Variants in GRID1 observed in about 807,000 individuals in gnomAD.
GRID1 encodes glutamate ionotropic receptor delta type subunit 1, also known as glutamate receptor ionotropic, delta-1.
Under a neutral mutation model 98.0 loss-of-function variants are expected in GRID1, and 28 were observed. The observed-to-expected ratio is 0.29, with a 90% confidence interval of 0.21 to 0.39. The LOEUF (loss-of-function observed/expected upper bound fraction) is 0.39. Ranked by LOEUF, GRID1 falls within the 10% of genes least tolerant of loss-of-function variation. The pLI, the probability that GRID1 is intolerant of heterozygous loss-of-function variation, is 1.00. For synonymous variants in GRID1, 553 were observed against 538.5 expected (o/e 1.03, Z -0.37); for missense variants, 1,111 against 1,340.5 (o/e 0.83, Z 2.67).
chr10:86,365,532 C>T lies in GRID1; in HGVS notation c.79+782G>A, dbSNP rs1046532007. 2.0e-5 allele frequency among the ~76,000 whole-genome samples: 3 copies of T among 151,904 alleles called. No individual in the cohort carries two copies. Among genetic ancestry groups the T allele is most frequent in the Admixed American group, 1.3e-4 (2 of 15,252 alleles). On this transcript the variant is annotated intron_variant, in intron 1 of 15. Coordinates refer to ENST00000327946, the MANE Select transcript of GRID1 (RefSeq NM_017551.3). This position sits in a 1 kb window ranked among gnomAD's most constrained non-coding sequence, Gnocchi z 4.8. ...TTCTCTCTCTCTATCCATCTCTTCCCGCTCAGCATCCCCCTACCCCCCGCT... is the reference window on the plus strand; with the variant it reads ...TTCTCTCTCTCTATCCATCTCTTCCTGCTCAGCATCCCCCTACCCCCCGCT...
intron 13 of GRID1, chr10:85,646,590 A>ATC (rs1306414477): frequency 1.3e-5 from 2 of 155,426 alleles, no homozygotes; most frequent in Admixed American, 6.3e-5. Context: ...ACAGTGCTGA[A>ATC]GAGCATCATG....
intron 12 of GRID1, among the ~76,000 whole-genome samples, chr10:85,672,872 A>G (rs547160646): frequency 6.6e-6 from 1 of 152,290 alleles, no homozygotes; most frequent in African/African-American, 2.4e-5. Context: ...TTGACTTTCA[A>G]GTTTTATCAT....
At chr10:85,902,975 G>C (rs967875233) in intron 5 of GRID1, among the ~76,000 whole-genome samples, 3 of 152,052 alleles carry the variant, frequency 2.0e-5, no homozygotes, top group African/African-American at 4.8e-5. Flanking sequence ...TCCTTTCTCT[G>C]GCTTCACATG....
In GRID1 at chr10:86,116,939, G is replaced by A. The variant is rs1200751245; in HGVS notation, c.726+21880C>T. Among the ~76,000 whole-genome samples, 7 of 152,152 alleles carry A rather than the reference G, an allele frequency of 4.6e-5. No individual in the cohort carries two copies. The East Asian group carries it at 1.4e-3, about 29-fold the overall frequency. On this transcript the variant is annotated intron_variant, in intron 4 of 15. Transcript: ENST00000327946. ...ATTTTGAGTCCTCTCCTGCTAGCCTGTATACCACCACCATCACTGCAATCA... is the reference window on the plus strand; with the variant it reads ...ATTTTGAGTCCTCTCCTGCTAGCCTATATACCACCACCATCACTGCAATCA...
At chr10:86,184,853 A>G (rs1845706950) in intron 3 of GRID1, among the ~76,000 whole-genome samples, 1 of 152,212 alleles carries the variant, frequency 6.6e-6, no homozygotes, top group Non-Finnish European at 1.5e-5. Context: ...TCTATAAACT[A>G]GCAATGGACA....
intron 4 of GRID1, among the ~76,000 whole-genome samples, chr10:86,115,055 C>A (rs1334587286): frequency 2.6e-5 from 4 of 152,030 alleles, no homozygotes; most frequent in Non-Finnish European, 4.4e-5. Context: ...GAAAGAGGAG[C>A]AGGCAGGAGA....
chr10:85,762,633 C>A (rs1564582574), intron 8 of GRID1, among the ~76,000 whole-genome samples: 1 of 152,194 alleles, frequency 6.6e-6, no homozygotes, highest in Non-Finnish European at 1.5e-5. Flanking sequence ...GGGCAAAAGG[C>A]TGCCAGCTCC....
chr10:85,711,255 A>C (rs532149577), intron 12 of GRID1, among the ~76,000 whole-genome samples: 1 of 152,154 alleles, frequency 6.6e-6, no homozygotes, highest in Admixed American at 6.5e-5. Flanking sequence ...ATGGATAAAT[A>C]AAATATGATA....
intron 5 of GRID1, among the ~76,000 whole-genome samples, chr10:85,881,172 C>G (rs1243172476): frequency 6.6e-6 from 1 of 152,104 alleles, no homozygotes; most frequent in Non-Finnish European, 1.5e-5. Context: ...TAGGAAGAAT[C>G]AATATCGTGA....
At chr10:86,013,714 G>T (rs10749532) in intron 4 of GRID1, among the ~76,000 whole-genome samples, 63,100 of 152,078 alleles carry the variant, frequency 0.41, 13,410 homozygotes, top group South Asian at 0.51. Context: ...CGTCTGACCA[G>T]TTAAGAGAAG....
chr10:85,708,125 A>AAAC (rs1554826229), intron 12 of GRID1, among the ~76,000 whole-genome samples: 5 of 127,310 alleles, frequency 3.9e-5, no homozygotes, highest in South Asian at 2.8e-4. Context: ...AAAAAAAAAA[A>AAAC]AAAAAACACA....
chr10:86,224,594 G>A (rs1203783776), intron 2 of GRID1, among the ~76,000 whole-genome samples: 1 of 152,194 alleles, frequency 6.6e-6, no homozygotes, highest in African/African-American at 2.4e-5. Context: ...AGCCCAGATG[G>A]CAGCTGTCCT....
chr10:85,634,336 G>A (rs1474920713), intron 13 of GRID1, among the ~76,000 whole-genome samples: 1 of 135,068 alleles, frequency 7.4e-6, no homozygotes, highest in Non-Finnish European at 1.6e-5. Context: ...TCAAAATATA[G>A]GACCCAGAGC....
intron 4 of GRID1, among the ~76,000 whole-genome samples, chr10:86,102,498 T>C (rs1375223035): frequency 3.3e-5 from 5 of 152,230 alleles, no homozygotes; most frequent in African/African-American, 1.2e-4. Flanking sequence ...TGCCCACTCA[T>C]TGACAGGGAA....
At chr10:86,015,535 C>T (rs767996670) in intron 4 of GRID1, among the ~76,000 whole-genome samples, 22 of 152,216 alleles carry the variant, frequency 1.4e-4, no homozygotes, top group Non-Finnish European at 2.6e-4. Context: ...AGAATATTGA[C>T]ACCATGCTAG....
chr10:85,879,240 G>A (rs1404851717), intron 5 of GRID1, among the ~76,000 whole-genome samples: 1 of 152,046 alleles, frequency 6.6e-6, no homozygotes, highest in African/African-American at 2.4e-5. Flanking sequence ...AGGATACCCA[G>A]GAATTGAACT....
At chr10:85,662,909 C>T (rs1048127922) in intron 12 of GRID1, among the ~76,000 whole-genome samples, 2 of 152,180 alleles carry the variant, frequency 1.3e-5, no homozygotes, top group African/African-American at 4.8e-5. Context: ...ACTTAGTCCT[C>T]CAGCAGCCGC....
chr10:85,931,731 T>C (rs1296119841), intron 4 of GRID1, among the ~76,000 whole-genome samples: 1 of 152,234 alleles, frequency 6.6e-6, no homozygotes, highest in East Asian at 1.9e-4. Flanking sequence ...TTGTACTCTC[T>C]GTTTCATATA....
intron 12 of GRID1, among the ~76,000 whole-genome samples, chr10:85,708,231 C>A (rs1404484840): frequency 6.6e-6 from 1 of 151,436 alleles, no homozygotes; most frequent in East Asian, 1.9e-4. Context: ...AGTGAAACCC[C>A]ATCTCAACTA....
Sources: gnomAD v4.1 joint callset for allele counts (sites outside exome capture counted in the v4.1 genomes callset) on GRCh38, gnomAD v4.1.1 for gene constraint, Gnocchi (gnomAD v3.1) non-coding constraint, MANE v1.5 for transcripts, NCBI Gene and HGNC (gene_info 2026-07-23, HGNC 2026-07-21) for gene names.